The following ATG4C variants were observed in gnomAD, a reference collection of about 807,000 sequenced individuals.
ATG4C encodes cysteine protease ATG4C.
In ATG4C, 56 loss-of-function variants were observed where a neutral mutation model predicts 57.6. That is an observed-to-expected ratio of 0.97 (90% confidence interval 0.78 to 1.21). The LOEUF (loss-of-function observed/expected upper bound fraction) is 1.21, where lower values mean the gene tolerates loss of function less well. Ranked by LOEUF, ATG4C falls within the 50% of genes most tolerant of loss-of-function variation. The probability of loss-of-function intolerance (pLI) is 0.00; values close to 1 mark genes in which losing one functional copy is unlikely to be tolerated. For missense variants in ATG4C, 595 were observed against 529.8 expected, an observed-to-expected ratio of 1.12 and a Z score of -1.21; for synonymous variants, 157 against 174.1, an observed-to-expected ratio of 0.90 and a Z score of 0.78.
At chr1:62,802,936 A>G (rs1664731075) in intron 1 of ATG4C, among the ~76,000 whole-genome samples, 2 of 152,232 alleles carry the variant, frequency 1.3e-5, no homozygotes, top group Admixed American at 6.5e-5. Context: ...TTGAGTAGAT[A>G]TTTCTAATCT....
intron 9 of ATG4C, among the ~76,000 whole-genome samples, 196 bp downstream of exon 9, chr1:62,835,048 T>C (rs540964872): frequency 6.6e-6 from 1 of 152,112 alleles, no homozygotes; most frequent in Admixed American, 6.6e-5. Flanking sequence ...ATTTATGATA[T>C]ACTTTCTTCT....
Position 62,864,076 on chromosome 1 carries a change from A to C in ATG4C, c.1294A>C (p.Thr432Pro), listed in dbSNP as rs1164283653. ...HSRDYDFTST[T>P]TNEEDLFSED... is the part of the protein sequence containing the mutation. Reference sequence around the variant, plus strand: ...CAGAGACTATGATTTTACATCTACTACAACCAATGAAGAAGACCTTTTTTC... The same window carrying C: ...CAGAGACTATGATTTTACATCTACTCCAACCAATGAAGAAGACCTTTTTTC... The change falls in exon 11 of 11, where the codon ACA (threonine) becomes CCA (proline). Residue 432 changes from threonine (T) to proline (P), a missense_variant. Coordinates refer to ENST00000317868, the MANE Select transcript of ATG4C (RefSeq NM_032852.4). The C allele has an allele frequency of 6.2e-7, 1 of 1,605,568 alleles. No homozygotes were observed. Among genetic ancestry groups the C allele is most frequent in the Non-Finnish European group, 8.5e-7 (1 of 1,175,476 alleles).
chr1:62,841,280 G>A lies in ATG4C; in HGVS notation c.1090-148G>A. 3 of 579,652 alleles carry A rather than the reference G, an allele frequency of 5.2e-6. No individual in the cohort carries two copies. The East Asian group carries it at 1.0e-4, about 19-fold the overall frequency. 35.9% of individuals were successfully genotyped at this position (579,652 alleles called of 1,614,324 possible). The stretch of plus-strand genomic sequence containing the variant: ...TTTTACAGTTTTGCAGAGTGGAGAG[G>A]ACCATCTGCGTAGGATGAACTAAAA... On this transcript the variant is annotated intron_variant, in intron 9 of 10. Transcript: ENST00000317868.
At chr1:62,808,962 C>G (rs952460214) in intron 3 of ATG4C, among the ~76,000 whole-genome samples, 2 of 152,078 alleles carry the variant, frequency 1.3e-5, no homozygotes, top group African/African-American at 4.8e-5. Flanking sequence ...CAGTGTCTTG[C>G]TCTGTTACCC....
In ATG4C at chr1:62,809,906, C is replaced by T. The variant is rs930885711; in HGVS notation, c.160+4651C>T. 1.1e-4 allele frequency among the ~76,000 whole-genome samples: 17 copies of T among 151,792 alleles called. No homozygotes were observed. In the East Asian group the frequency reaches 2.3e-3, roughly 21 times the overall value. ...TATAATATACACAAATTTGAAGGTTCGATGATATCAAGTGTTAGCAAGGGT... is the reference window on the plus strand; with the variant it reads ...TATAATATACACAAATTTGAAGGTTTGATGATATCAAGTGTTAGCAAGGGT... On this transcript the variant is annotated intron_variant, in intron 3 of 10. Coordinates refer to ENST00000317868, the MANE Select transcript of ATG4C (RefSeq NM_032852.4).
At chr1:62,854,670 A>C (rs900636289) in intron 10 of ATG4C, among the ~76,000 whole-genome samples, 1 of 152,202 alleles carries the variant, frequency 6.6e-6, no homozygotes, top group Non-Finnish European at 1.5e-5. Context: ...TAAGGCACTA[A>C]AAAGCTGAGT....
intron 10 of ATG4C, among the ~76,000 whole-genome samples, chr1:62,842,274 TAAGACC>T (rs1283281570): frequency 6.6e-6 from 1 of 151,410 alleles, no homozygotes; most frequent in East Asian, 1.9e-4. Context: ...TTATGGTATG[TAAGACC>T]AATACTCGTC....
chr1:62,791,088 C>T (rs572250971), intron 1 of ATG4C, among the ~76,000 whole-genome samples: 1 of 152,226 alleles, frequency 6.6e-6, no homozygotes, highest in African/African-American at 2.4e-5. Context: ...TGAATATTCT[C>T]ATTGGAAAGG....
At chr1:62,852,015 A>G (rs959708849) in intron 10 of ATG4C, among the ~76,000 whole-genome samples, 2 of 152,190 alleles carry the variant, frequency 1.3e-5, no homozygotes, top group African/African-American at 4.8e-5. Flanking sequence ...GTTTATTGTC[A>G]AGCATTTGTG....
In ATG4C at chr1:62,818,136, A is replaced by T. The variant is rs534282955; in HGVS notation, c.395-869A>T. ...GATTGTCTTGTTATTCAAAACAGTG[A>T]CATAATGGATATATTTGATTTTTCA... On this transcript the variant is annotated intron_variant, in intron 4 of 10. Transcript: ENST00000317868. 5.3e-5 allele frequency among the ~76,000 whole-genome samples: 8 copies of T among 152,266 alleles called. 1 individual carries two copies. The highest frequency in any genetic ancestry group is 5.2e-4 in the Admixed American group (8 of 15,272).
chr1:62,804,550 A>G (rs1216770725), intron 2 of ATG4C, among the ~76,000 whole-genome samples: 1 of 152,148 alleles, frequency 6.6e-6, no homozygotes, highest in Non-Finnish European at 1.5e-5. Flanking sequence ...TGTGCCAGGA[A>G]ATAAGCAAAA....
Position 62,847,912 on chromosome 1 carries a change from C to T in ATG4C, c.1209+6365C>T, listed in dbSNP as rs148695465. ...AGTGCCTCCAAAACAACCACTCTTC[C>T]GTTCTCTGCCTTCTTCAGACTTCAG... On this transcript the variant is annotated intron_variant, in intron 10 of 10. Transcript: ENST00000317868. Among the ~76,000 whole-genome samples, 5 of 152,248 alleles carry T rather than the reference C, an allele frequency of 3.3e-5. No individual in the cohort carries two copies. The East Asian group carries it at 7.7e-4, about 24-fold the overall frequency.
intron 7 of ATG4C, among the ~76,000 whole-genome samples, 177 bp downstream of exon 7, chr1:62,829,353 A>C (rs1665769588): frequency 6.6e-6 from 1 of 152,126 alleles, no homozygotes; most frequent in African/African-American, 2.4e-5. Flanking sequence ...ATGTGAGTTG[A>C]AGAGCACAGT....
intron 10 of ATG4C, among the ~76,000 whole-genome samples, chr1:62,849,534 CAG>C: frequency 6.6e-6 from 1 of 150,994 alleles, no homozygotes. Flanking sequence ...TTTTTGGAGA[CAG>C]AGTCTCACTC....
chr1:62,835,181 G>GC, intron 9 of ATG4C, among the ~76,000 whole-genome samples: 2 of 138,292 alleles, frequency 1.4e-5, no homozygotes, highest in East Asian at 4.0e-4. Flanking sequence ...TGTAAGGCCT[G>GC]TTTAAAAAAA....
chr1:62,790,597 T>G (rs951690865), intron 1 of ATG4C, among the ~76,000 whole-genome samples: 1 of 152,240 alleles, frequency 6.6e-6, no homozygotes, highest in Non-Finnish European at 1.5e-5. Flanking sequence ...TCCTACTAAA[T>G]TACTTTTTAA....
intron 10 of ATG4C, among the ~76,000 whole-genome samples, chr1:62,844,150 T>C (rs1572161261): frequency 1.1e-5 from 1 of 87,520 alleles, no homozygotes; most frequent in East Asian, 3.8e-4. Flanking sequence ...GCAGGGTTTC[T>C]GCTTCTACTG....
chr1:62,811,856 T>C (rs79534771), intron 3 of ATG4C, among the ~76,000 whole-genome samples: 4,883 of 152,250 alleles, frequency 0.032, 271 homozygotes, highest in African/African-American at 0.11. Context: ...CCATGTACAG[T>C]GGGTCCTCAA....
intron 10 of ATG4C, among the ~76,000 whole-genome samples, chr1:62,850,047 TTTATC>T (rs1281802647): frequency 1.3e-5 from 2 of 152,160 alleles, no homozygotes; most frequent in African/African-American, 4.8e-5. Context: ...AGATTAAAGT[TTTATC>T]TTCTGTTCAT....
Sources: allele counts gnomAD v4.1 joint callset (sites outside exome capture counted in the v4.1 genomes callset), GRCh38; gene constraint gnomAD v4.1.1; transcripts MANE v1.5; gene names NCBI Gene and HGNC (gene_info 2026-07-23, HGNC 2026-07-21).